Variants in ADAMTSL3 observed in about 807,000 individuals in gnomAD.
ADAMTSL3 encodes ADAMTS like 3, also known as ADAMTS-like protein 3.
ADAMTSL3 carries 128 observed loss-of-function variants against 201.7 expected under a neutral mutation model. The observed-to-expected ratio is 0.63, with a 90% CI of 0.55 to 0.73. ADAMTSL3 has a LOEUF of 0.73. Among genes scored for constraint, ADAMTSL3 ranks in the 30% least tolerant of loss-of-function variants. ADAMTSL3 has a pLI of 0.00. For missense variants in ADAMTSL3, 1,990 were observed against 2,119.6 expected (o/e 0.94, Z 1.20); for synonymous variants, 738 against 748.4 (o/e 0.99, Z 0.23).
intron 7 of ADAMTSL3, among the ~76,000 whole-genome samples, chr15:83,851,475 C>A (rs1408691785): frequency 6.6e-6 from 1 of 152,180 alleles, no homozygotes; most frequent in Admixed American, 6.5e-5. Flanking sequence ...ACAAATGCTT[C>A]CCCAAGATAC....
chr15:83,678,798 A>ATATATATT (rs1288980707), intron 2 of ADAMTSL3, among the ~76,000 whole-genome samples: 1 of 4,972 alleles, frequency 2.0e-4, no homozygotes, highest in Non-Finnish European at 3.2e-4. Flanking sequence ...TGTATATATA[A>ATATATATT]TATATATTTA....
chr15:83,726,056 T>C (rs940763477), intron 3 of ADAMTSL3, among the ~76,000 whole-genome samples: 2 of 152,158 alleles, frequency 1.3e-5, no homozygotes. Flanking sequence ...TTTTGGTGTG[T>C]CCTCTTCAAT....
At chr15:83,792,532 C>CCAGCA (rs2063359842) in intron 4 of ADAMTSL3, among the ~76,000 whole-genome samples, 1 of 152,092 alleles carries the variant, frequency 6.6e-6, no homozygotes, top group African/African-American at 2.4e-5. Context: ...GCCTGTAATC[C>CCAGCA]CAGCACTTTG....
At chr15:83,822,414 C>T (rs1354229550) in intron 6 of ADAMTSL3, among the ~76,000 whole-genome samples, 38 of 144,744 alleles carry the variant, frequency 2.6e-4, no homozygotes, top group Admixed American at 1.2e-3. Context: ...GGTTGCCGGG[C>T]GGAGGGTCTC....
chr15:83,949,728 T>C (rs1161944373), intron 19 of ADAMTSL3, among the ~76,000 whole-genome samples: 1 of 152,206 alleles, frequency 6.6e-6, no homozygotes, highest in African/African-American at 2.4e-5. Flanking sequence ...TGGTATCTCA[T>C]TGTAGTTCTG....
chr15:83,786,963 G>A (rs557844968), intron 4 of ADAMTSL3, among the ~76,000 whole-genome samples: 1 of 152,284 alleles, frequency 6.6e-6, no homozygotes, highest in East Asian at 1.9e-4. Flanking sequence ...TACATGTGAT[G>A]AGGACCCAAA....
chr15:83,995,170 T>C (rs911799122), intron 23 of ADAMTSL3, among the ~76,000 whole-genome samples: 2 of 152,088 alleles, frequency 1.3e-5, no homozygotes, highest in African/African-American at 4.8e-5. Context: ...CGGAGACAGA[T>C]TGTGAAGGGA....
chr15:83,751,751 A>G (rs773577972), intron 3 of ADAMTSL3, among the ~76,000 whole-genome samples: 1 of 152,206 alleles, frequency 6.6e-6, no homozygotes, highest in African/African-American at 2.4e-5. Context: ...AGTTACTTTC[A>G]TCTTGATTCA....
Position 83,898,072 on chromosome 15 carries a change from G to A in ADAMTSL3, c.1615+67G>A, listed in dbSNP as rs2065652562. The A allele has an allele frequency of 5.4e-6, 8 of 1,494,556 alleles. No individual in the cohort carries two copies. The East Asian group carries it at 7.0e-5, about 13-fold the overall frequency. 92.6% of individuals were successfully genotyped at this position (1,494,556 alleles called of 1,614,324 possible). On this transcript the variant is annotated intron_variant, in intron 14 of 29. Coordinates refer to ENST00000286744, the MANE Select transcript of ADAMTSL3 (RefSeq NM_207517.3). ...TTCCAGCTCCCATTCCAATATTGTA[G>A]CATTTCCCTTTCAACTTACTACTTT... is the stretch of plus-strand genomic sequence containing the variant.
chr15:83,874,276 C>A (rs1409230108), intron 9 of ADAMTSL3, among the ~76,000 whole-genome samples: 1 of 145,350 alleles, frequency 6.9e-6, no homozygotes, highest in Admixed American at 6.7e-5. Context: ...TCCCATCCCA[C>A]GCAGAGCTCC....
intron 19 of ADAMTSL3, among the ~76,000 whole-genome samples, chr15:83,964,229 A>G (rs1025727834): frequency 6.6e-6 from 1 of 152,192 alleles, no homozygotes; most frequent in African/African-American, 2.4e-5. Flanking sequence ...AACTCCTCCA[A>G]GTTAAAGGAG....
At chr15:83,855,354 T>G (rs2064709406) in intron 7 of ADAMTSL3, among the ~76,000 whole-genome samples, 1 of 152,222 alleles carries the variant, frequency 6.6e-6, no homozygotes, top group Admixed American at 6.5e-5. Context: ...CACCACCTCA[T>G]GCAGCCTCAA....
At chr15:84,008,301 C>T (rs1435959024) in intron 23 of ADAMTSL3, among the ~76,000 whole-genome samples, 1 of 152,076 alleles carries the variant, frequency 6.6e-6, no homozygotes, top group Non-Finnish European at 1.5e-5. Context: ...CACCATGTTG[C>T]CCAGGCTGGC....
At position 83,659,470 on chromosome 15, in the gene ADAMTSL3, C is replaced by T. The variant is rs115553301; in HGVS notation, c.69+3640C>T. 4.4e-3 allele frequency among the ~76,000 whole-genome samples: 668 copies of T among 152,268 alleles called. 8 individuals carry two copies. Among genetic ancestry groups the T allele is most frequent in the African/African-American group, 0.015 (621 of 41,548 alleles). On this transcript the variant is annotated intron_variant, in intron 2 of 29. Transcript: ENST00000286744. ...AGGCTAGTGTAGAAGGCTGATCTTA[C>T]AGAGGGCTTTGAGGTAGGGTGGGAA... is the stretch of plus-strand genomic sequence containing the variant.
At chr15:83,798,592 G>A (rs903442426) in intron 4 of ADAMTSL3, among the ~76,000 whole-genome samples, 1 of 152,014 alleles carries the variant, frequency 6.6e-6, no homozygotes, top group Non-Finnish European at 1.5e-5. Flanking sequence ...CGGATCACGA[G>A]GTCAGGAGTT....
chr15:83,771,576 A>C (rs1330065657), intron 3 of ADAMTSL3, among the ~76,000 whole-genome samples: 3 of 152,182 alleles, frequency 2.0e-5, no homozygotes, highest in African/African-American at 7.2e-5. Context: ...CACATAACCT[A>C]ATGTCCTCAA....
At chr15:83,883,693 C>G (rs2065326914) in intron 9 of ADAMTSL3, among the ~76,000 whole-genome samples, 1 of 151,766 alleles carries the variant, frequency 6.6e-6, no homozygotes, top group Admixed American at 6.6e-5. Context: ...GTAGCTATAG[C>G]TGGGACTACA....
intron 5 of ADAMTSL3, among the ~76,000 whole-genome samples, chr15:83,805,028 T>C (rs73439407): frequency 0.014 from 2,204 of 152,236 alleles, 52 homozygotes; most frequent in African/African-American, 0.05. Context: ...GCAGGTGAGG[T>C]GCAGCTATTT....
At chr15:83,848,724 TA>T (rs996387196) in intron 7 of ADAMTSL3, among the ~76,000 whole-genome samples, 6 of 152,224 alleles carry the variant, frequency 3.9e-5, no homozygotes, top group Middle Eastern at 3.2e-3. Flanking sequence ...TATAAAATTT[TA>T]ATTGTCTTAA....
Sources: allele counts gnomAD v4.1 joint callset (sites outside exome capture counted in the v4.1 genomes callset), GRCh38; gene constraint gnomAD v4.1.1; transcripts MANE v1.5; gene names NCBI Gene and HGNC (gene_info 2026-07-23, HGNC 2026-07-21).